Variants in SYCP1 observed in about 807,000 individuals in gnomAD.
SYCP1 encodes the protein synaptonemal complex protein 1.
In SYCP1, 64 loss-of-function variants were observed where a neutral mutation model predicts 153.1. The ratio of observed to expected loss-of-function variants is 0.42; its 90% CI spans 0.34 to 0.51. SYCP1 has a LOEUF of 0.51. Among genes scored for constraint, SYCP1 ranks in the 20% least tolerant of loss-of-function variants. SYCP1 has a pLI of 0.06. For synonymous variants in SYCP1, 384 were observed against 341.8 expected, an observed-to-expected ratio of 1.12 and a Z score of -1.36; for missense variants, 997 against 1,049.0, an observed-to-expected ratio of 0.95 and a Z score of 0.68.
intron 8 of SYCP1, among the ~76,000 whole-genome samples, chr1:114,861,230 A>AT (rs2101306875): frequency 6.6e-6 from 1 of 152,250 alleles, no homozygotes; most frequent in African/African-American, 2.4e-5. Flanking sequence ...GAATTCTCAA[A>AT]TTTTTCCTAA....
rs1284983083 is a variant in SYCP1 at position 114,876,811 on chromosome 1, GT to G, written c.801+7del. 2.2e-6 allele frequency: 3 copies of G among 1,380,446 alleles called. No individual in the cohort carries two copies. Among genetic ancestry groups the G allele is most frequent in the East Asian group, 2.9e-5 (1 of 34,640 alleles). The allele number at this position is 1,380,446 out of a possible 1,614,324, so 85.5% of individuals were successfully genotyped here. On this transcript the variant is annotated splice_donor_variant, in intron 11 of 31. Transcript: ENST00000369522. LOFTEE classifies it high-confidence loss of function. ...GGAAATAAATGACAAGGAAAAGCAGGTTTTTTAAAAAACCAACTCTTTGTAT... is the reference window on the plus strand; with the variant it reads ...GGAAATAAATGACAAGGAAAAGCAGGTTTTTAAAAAACCAACTCTTTGTAT...
At chr1:114,876,898 A>G in intron 11 of SYCP1, 88 bp downstream of exon 11, 1 of 627,420 alleles carries the variant, frequency 1.6e-6, no homozygotes, top group African/African-American at 1.9e-5. Flanking sequence ...TATTTACTGA[A>G]AGTATGATAA....
intron 27 of SYCP1, 42 bp downstream of exon 27, chr1:114,947,362 A>G (rs1477080174): frequency 6.3e-6 from 9 of 1,419,440 alleles, no homozygotes; most frequent in Non-Finnish European, 7.8e-6. Flanking sequence ...TACAAGGTTT[A>G]GGGGCAACTT....
At chr1:114,894,028 G>A (rs1020922173) in intron 15 of SYCP1, among the ~76,000 whole-genome samples, 3 of 148,154 alleles carry the variant, frequency 2.0e-5, no homozygotes, top group Non-Finnish European at 4.5e-5. Context: ...CTCTTATTTT[G>A]TTAATGTTGT....
In SYCP1 at chr1:114,923,475, A is replaced by G; in HGVS notation, c.1745A>G (p.Glu582Gly). 6.3e-7 allele frequency: 1 copy of G among 1,591,200 alleles called. No homozygotes were observed. The highest frequency in any genetic ancestry group is 8.6e-7 in the Non-Finnish European group (1 of 1,165,668). Reference sequence around the variant, plus strand: ...AATGAACTAGAATATGTGAGAGAAGAGCTAAAACAGAAAAGAGATGAAGTT... The same window carrying G: ...AATGAACTAGAATATGTGAGAGAAGGGCTAAAACAGAAAAGAGATGAAGTT... ...LRNELEYVRE[E>G]LKQKRDEVKC... Residue 582 changes from glutamate to glycine, a missense_variant, in exon 21 of 32, where the codon GAG becomes GGG. Coordinates refer to ENST00000369522, the MANE Select transcript of SYCP1 (RefSeq NM_003176.4).
At position 114,977,621 on chromosome 1, in the gene SYCP1, G is replaced by T. The variant is rs189316789; in HGVS notation, c.2382+5G>T. ...CTTAAAGAAAAAAAAGACAAGGTAA[G>T]AGCATATAATTCTCATAGTTTTAAA... On this transcript the variant is annotated splice_donor_5th_base_variant and intron_variant, in intron 28 of 31. Transcript: ENST00000369522. The T allele has an allele frequency of 5.4e-6, 8 of 1,488,592 alleles. No individual in the cohort carries two copies. Among genetic ancestry groups the T allele is most frequent in the African/African-American group, 1.4e-5 (1 of 69,832 alleles). 92.2% of individuals were successfully genotyped at this position (1,488,592 alleles called of 1,614,324 possible).
intron 27 of SYCP1, among the ~76,000 whole-genome samples, chr1:114,975,668 A>G (rs1253742026): frequency 6.6e-6 from 1 of 151,778 alleles, no homozygotes; most frequent in Non-Finnish European, 1.5e-5. Context: ...GCCCATTGGT[A>G]TAGGAAACTG....
At chr1:114,861,943 G>C (rs1664406800) in intron 8 of SYCP1, among the ~76,000 whole-genome samples, 1 of 151,594 alleles carries the variant, frequency 6.6e-6, no homozygotes. Flanking sequence ...GGGATTACAG[G>C]CATGTGCCAC....
intron 20 of SYCP1, among the ~76,000 whole-genome samples, chr1:114,915,086 T>TA (rs983227363): frequency 7.1e-4 from 98 of 137,342 alleles, no homozygotes; most frequent in East Asian, 2.3e-3. Flanking sequence ...GAAAAAAAAC[T>TA]AAAAAAAAAA....
intron 27 of SYCP1, among the ~76,000 whole-genome samples, chr1:114,959,128 CTAAT>C (rs1671624686): frequency 6.6e-6 from 1 of 151,834 alleles, no homozygotes; most frequent in African/African-American, 2.4e-5. Context: ...TCTTCTATTC[CTAAT>C]TAGTTTAAAG....
intron 2 of SYCP1, 60 bp from the exon 3 acceptor site, chr1:114,856,513 A>C: frequency 8.6e-7 from 1 of 1,159,418 alleles, no homozygotes; most frequent in East Asian, 2.4e-5. Context: ...TATATATTAC[A>C]CTATTAGTAT....
At chr1:114,922,372 A>G (rs997582148) in intron 20 of SYCP1, among the ~76,000 whole-genome samples, 4 of 152,114 alleles carry the variant, frequency 2.6e-5, no homozygotes, top group African/African-American at 7.2e-5. Context: ...TAAAGAAAAG[A>G]GGTTAATTGG....
intron 13 of SYCP1, among the ~76,000 whole-genome samples, chr1:114,885,841 A>T (rs1385890977): frequency 6.6e-6 from 1 of 152,166 alleles, no homozygotes; most frequent in Non-Finnish European, 1.5e-5. Context: ...GACAGGTGAC[A>T]ACAGGGTGGT....
At chr1:114,876,443 G>A (rs374624649) in intron 10 of SYCP1, among the ~76,000 whole-genome samples, 1 of 151,198 alleles carries the variant, frequency 6.6e-6, no homozygotes, top group East Asian at 1.9e-4. Flanking sequence ...AATTGTATAT[G>A]TATCATATTA....
At chr1:114,943,543 T>G (rs780568318) in intron 23 of SYCP1, among the ~76,000 whole-genome samples, 3 of 151,918 alleles carry the variant, frequency 2.0e-5, no homozygotes, top group Admixed American at 6.6e-5. Context: ...AAATATTGTT[T>G]AGGGACACAT....
rs564368947 is a variant in SYCP1 at position 114,912,566 on chromosome 1, T to A, written c.1530-467T>A. Among the ~76,000 whole-genome samples, 444 of 152,058 alleles carry A rather than the reference T, an allele frequency of 2.9e-3. 2 individuals carry two copies. Among genetic ancestry groups the A allele is most frequent in the African/African-American group, 5.3e-3 (221 of 41,536 alleles). On this transcript the variant is annotated intron_variant, in intron 18 of 31. Coordinates refer to ENST00000369522, the MANE Select transcript of SYCP1 (RefSeq NM_003176.4). ...AAAAAGTTAAATTCAGTTTTTTTTT[T>A]AAATACTTTAAGTTTTAGGGTACAT...
intron 16 of SYCP1, among the ~76,000 whole-genome samples, chr1:114,909,811 T>C (rs983016516): frequency 2.0e-5 from 3 of 152,168 alleles, no homozygotes; most frequent in African/African-American, 7.2e-5. Flanking sequence ...GTCCTTGATA[T>C]AATTTAAACA....
chr1:114,949,325 C>CA (rs1670944231), intron 27 of SYCP1, among the ~76,000 whole-genome samples: 1 of 152,182 alleles, frequency 6.6e-6, no homozygotes, highest in South Asian at 2.1e-4. Context: ...TTGTCTTCAG[C>CA]AGACTGGATC....
chr1:114,857,159 A>AAAAAAAAAAAATG, intron 3 of SYCP1, 73 bp from the exon 4 acceptor site: 1 of 693,204 alleles, frequency 1.4e-6, no homozygotes, highest in Non-Finnish European at 2.2e-6. Context: ...AAAAAAAAAG[A>AAAAAAAAAAAATG]GAAAAAAGAA....
Sources: gnomAD v4.1 joint callset for allele counts (sites outside exome capture counted in the v4.1 genomes callset) on GRCh38, gnomAD v4.1.1 for gene constraint, MANE v1.5 for transcripts, NCBI Gene and HGNC (gene_info 2026-07-23, HGNC 2026-07-21) for gene names.